The following EIF4G3 variants were observed in gnomAD, a reference collection of about 807,000 sequenced individuals.
The protein encoded by EIF4G3 is eIF-4-gamma 3.
Under a neutral mutation model 186.4 loss-of-function variants are expected in EIF4G3, and 34 were observed. The ratio of observed to expected loss-of-function variants is 0.18; its 90% confidence interval spans 0.14 to 0.24. The LOEUF (loss-of-function observed/expected upper bound fraction) is 0.24. EIF4G3 is among the 10% of genes least tolerant of loss of function. The pLI is 1.00. For synonymous variants in EIF4G3, 673 were observed against 679.5 expected (o/e 0.99, Z 0.15); for missense variants, 1,536 against 1,948.5 (o/e 0.79, Z 3.99).
chr1:20,904,931 T>C lies in EIF4G3; in HGVS notation c.1704A>G (p.Pro568=), dbSNP rs1280328426. The C allele has an allele frequency of 6.2e-7, 1 of 1,614,064 alleles. No homozygotes were observed. The highest frequency in any genetic ancestry group is 8.5e-7 in the Non-Finnish European group (1 of 1,179,988). Residue 568 remains proline, a synonymous_variant, in exon 15 of 37, where the codon CCA becomes CCG. Coordinates refer to ENST00000602326, the MANE Select transcript of EIF4G3 (RefSeq NM_001391906.1). Reference sequence around the variant, plus strand: ...CTTCAGTGGTTCGGGTCCGATCTTTTGGTTTCTTCCATGTCTTTGGTACAG... The same window carrying C: ...CTTCAGTGGTTCGGGTCCGATCTTTCGGTTTCTTCCATGTCTTTGGTACAG... ...AITVPKTWKK[P]KDRTRTTEEM...
intron 6 of EIF4G3, 26 bp from the exon 7 acceptor site, chr1:20,997,659 C>T (rs1268584905): frequency 1.3e-6 from 2 of 1,528,102 alleles, no homozygotes; most frequent in Middle Eastern, 1.7e-4. Context: ...AAAACAAACA[C>T]AAAAGGAAAG....
chr1:21,014,026 T>A (rs6426655), intron 4 of EIF4G3, among the ~76,000 whole-genome samples: 50,848 of 151,920 alleles, frequency 0.33, 9,241 homozygotes, highest in Non-Finnish European at 0.41. Context: ...AAAAATTAGC[T>A]GGGCATGGTG....
At chr1:21,050,470 G>A (rs375758790) in intron 4 of EIF4G3, among the ~76,000 whole-genome samples, 26 of 152,274 alleles carry the variant, frequency 1.7e-4, no homozygotes, top group East Asian at 7.7e-4. Context: ...CTACTCAAGA[G>A]GGGAAGACAC....
intron 1 of EIF4G3, among the ~76,000 whole-genome samples, 150 bp downstream of exon 1, chr1:21,176,563 CCCGACGCCG>C (rs1558324503): frequency 7.6e-6 from 1 of 132,198 alleles, no homozygotes; most frequent in Non-Finnish European, 1.6e-5. Context: ...GTCACACACG[CCCGACGCCG>C]CCGCCGCCGC....
chr1:20,827,968 T>C (rs2064050414), intron 31 of EIF4G3, among the ~76,000 whole-genome samples: 2 of 152,062 alleles, frequency 1.3e-5, no homozygotes, highest in African/African-American at 4.8e-5. Flanking sequence ...TTATGTAAGT[T>C]CTGCTTCAAG....
At chr1:20,998,890 C>CT (rs2082887282) in intron 6 of EIF4G3, 1 of 389,284 alleles carries the variant, frequency 2.6e-6, no homozygotes, top group Non-Finnish European at 5.2e-6. Flanking sequence ...CTTTGGCTCT[C>CT]TTATTTCCTC....
At chr1:20,863,430 CT>C (rs5772919) in intron 22 of EIF4G3, among the ~76,000 whole-genome samples, 1,483 of 116,598 alleles carry the variant, frequency 0.013, 19 homozygotes, top group African/African-American at 0.037. Flanking sequence ...ACCCTGTTAC[CT>C]TTTTTTTTTT....
At chr1:21,040,426 G>A (rs1005814636) in intron 4 of EIF4G3, among the ~76,000 whole-genome samples, 2 of 152,094 alleles carry the variant, frequency 1.3e-5, no homozygotes, top group African/African-American at 4.8e-5. Context: ...TAATAAACAA[G>A]TAAACATGTT....
chr1:21,075,570 CAAAAAAAAAAAAAAAAA>C (rs55649192), intron 3 of EIF4G3, among the ~76,000 whole-genome samples: 17 of 51,560 alleles, frequency 3.3e-4, no homozygotes, highest in East Asian at 8.8e-4. Flanking sequence ...CTCCAACTCA[CAAAAAAAAAAAAAAAAA>C]AAAAAAAAAA....
At position 20,897,520 on chromosome 1, in the gene EIF4G3, TA is replaced by T. The variant is rs58882539; in HGVS notation, c.2000-2020del. Among the ~76,000 whole-genome samples, 926 of 151,096 alleles carry T rather than the reference TA, an allele frequency of 6.1e-3. 39 individuals carry two copies. Among genetic ancestry groups the T allele is most frequent in the Admixed American group, 0.049 (737 of 15,188 alleles). On this transcript the variant is annotated intron_variant, in intron 16 of 36. Transcript: ENST00000602326. ...TTTTTCTCCTGCCTATAATTTCATC[TA>T]AAAAAAAATCACAGTTTTCTTATTT...
In EIF4G3 at chr1:20,864,552, T is replaced by C. The variant is rs2077147332; in HGVS notation, c.2930A>G (p.His977Arg). The C allele has an allele frequency of 6.2e-7, 1 of 1,614,212 alleles. No individual in the cohort carries two copies. Among genetic ancestry groups the C allele is most frequent in the Non-Finnish European group, 8.5e-7 (1 of 1,180,016 alleles). Residue 977 changes from histidine to arginine, a missense_variant, in exon 22 of 37, where the codon CAT becomes CGT. This residue lies in a region of EIF4G3 where 110 missense variants were observed against 166.2 expected (regional missense o/e 0.66). Coordinates refer to ENST00000602326, the MANE Select transcript of EIF4G3 (RefSeq NM_001391906.1). ...HDCVVKLLKN[H>R]DEESLECLCR... ...CAGGCACTCCAGGGATTCTTCATCA[T>C]GGTTCTTTAGCAGCTTCACCACACA...
chr1:20,829,372 C>T, intron 30 of EIF4G3, 100 bp from the exon 31 acceptor site: 1 of 1,335,298 alleles, frequency 7.5e-7, no homozygotes, highest in South Asian at 1.3e-5. Context: ...ATATTAATCA[C>T]CTGCTATGTT....
chr1:20,990,719 A>G (rs918122199), intron 7 of EIF4G3, among the ~76,000 whole-genome samples: 6 of 152,244 alleles, frequency 3.9e-5, no homozygotes, highest in South Asian at 2.1e-4. Context: ...TTTCTTACAC[A>G]TAATTCTACT....
At chr1:20,820,146 A>ACTGCC (rs1036892281) in intron 33 of EIF4G3, among the ~76,000 whole-genome samples, 8 of 151,966 alleles carry the variant, frequency 5.3e-5, no homozygotes, top group African/African-American at 1.9e-4. Flanking sequence ...TCCCACCCAA[A>ACTGCC]CTGCAGCTGT....
intron 10 of EIF4G3, among the ~76,000 whole-genome samples, chr1:20,979,329 G>T (rs2077491219): frequency 6.6e-6 from 1 of 152,100 alleles, no homozygotes; most frequent in Non-Finnish European, 1.5e-5. Flanking sequence ...CCATGCCATA[G>T]ATCTTATCAC....
intron 20 of EIF4G3, among the ~76,000 whole-genome samples, chr1:20,877,639 T>C (rs1261827909): frequency 6.6e-6 from 1 of 152,212 alleles, no homozygotes; most frequent in Non-Finnish European, 1.5e-5. Flanking sequence ...ATAGTTTCAA[T>C]TTATTTAGGG....
At chr1:20,821,733 T>C (rs1264642701) in intron 33 of EIF4G3, among the ~76,000 whole-genome samples, 1 of 150,794 alleles carries the variant, frequency 6.6e-6, no homozygotes, top group Non-Finnish European at 1.5e-5. Context: ...CTATTATGTA[T>C]ACTTCACCAT....
chr1:21,023,762 T>C (rs1291525089), intron 4 of EIF4G3, among the ~76,000 whole-genome samples: 1 of 145,420 alleles, frequency 6.9e-6, no homozygotes, highest in Admixed American at 6.8e-5. Context: ...CTGCCCAGTC[T>C]GGAAAGTGAG....
intron 19 of EIF4G3, 122 bp from the exon 20 acceptor site, chr1:20,879,642 T>TGAA: frequency 1.8e-6 from 1 of 551,856 alleles, no homozygotes; most frequent in Non-Finnish European, 2.8e-6. Flanking sequence ...ACAAGGACTG[T>TGAA]GAACTAGTGA....
Sources: allele counts gnomAD v4.1 joint callset (sites outside exome capture counted in the v4.1 genomes callset), GRCh38; gene constraint gnomAD v4.1.1; regional missense constraint gnomAD v4.1.1; transcripts MANE v1.5; gene names NCBI Gene and HGNC (gene_info 2026-07-23, HGNC 2026-07-21).